The following NEK11 variants were observed in gnomAD, a reference collection of about 807,000 sequenced individuals.
NEK11 encodes NIMA related kinase 11.
NEK11 carries 72 observed loss-of-function variants against 80.7 expected under a neutral mutation model. The ratio of observed to expected loss-of-function variants is 0.89; its 90% CI spans 0.74 to 1.08. NEK11 has a LOEUF of 1.08. NEK11 is among the 50% of genes least tolerant of loss of function. The probability of loss-of-function intolerance (pLI) is 0.00; values close to 1 mark genes in which losing one functional copy is unlikely to be tolerated. For synonymous variants in NEK11, 251 were observed against 260.7 expected (o/e 0.96, Z 0.36); for missense variants, 764 against 763.6 (o/e 1.00, Z -0.01).
intron 10 of NEK11, 61 bp from the exon 11 acceptor site, chr3:131,162,343 ATTTG>A: frequency 6.4e-7 from 1 of 1,569,542 alleles, no homozygotes; most frequent in Non-Finnish European, 8.6e-7. Context: ...TTTATAAAAT[ATTTG>A]TTTAATTTTT....
At chr3:131,134,512 T>G (rs1291555019) in intron 7 of NEK11, among the ~76,000 whole-genome samples, 1 of 152,076 alleles carries the variant, frequency 6.6e-6, no homozygotes, top group Non-Finnish European at 1.5e-5. Context: ...GCGATTCTCC[T>G]GCCTCAGCCT....
intron 4 of NEK11, among the ~76,000 whole-genome samples, chr3:131,093,940 C>T (rs1342622960): frequency 6.7e-6 from 1 of 149,792 alleles, no homozygotes; most frequent in Non-Finnish European, 1.5e-5. Context: ...TTCATAGTGA[C>T]AGAGGAGAAC....
At chr3:131,261,987 G>A (rs1164320109) in intron 16 of NEK11, among the ~76,000 whole-genome samples, 1 of 151,770 alleles carries the variant, frequency 6.6e-6, no homozygotes, top group African/African-American at 2.4e-5. Flanking sequence ...AAACAATAAA[G>A]GATGTCAGTG....
chr3:131,150,159 T>C (rs2089343322), intron 7 of NEK11, among the ~76,000 whole-genome samples: 1 of 152,088 alleles, frequency 6.6e-6, no homozygotes. Flanking sequence ...CACTCTGTTA[T>C]TCATGTCTAG....
chr3:131,325,298 A>ACT (rs1488816000), intron 17 of NEK11: 16 of 127,930 alleles, frequency 1.3e-4, no homozygotes, highest in Admixed American at 9.7e-4. Flanking sequence ...GAAATAACTT[A>ACT]TACCATTTAC....
At chr3:131,049,511 T>A (rs148277723) in intron 3 of NEK11, among the ~76,000 whole-genome samples, 34 of 152,350 alleles carry the variant, frequency 2.2e-4, no homozygotes, top group African/African-American at 7.9e-4. Flanking sequence ...TTTACAAAAT[T>A]ATTTGTCATT....
chr3:131,252,185 T>G (rs1001855549), intron 16 of NEK11, among the ~76,000 whole-genome samples: 11 of 152,128 alleles, frequency 7.2e-5, no homozygotes, highest in African/African-American at 2.4e-4. Flanking sequence ...CTTAAGTATG[T>G]CAGAGTATAA....
At chr3:131,203,363 G>A (rs2094315564) in intron 14 of NEK11, among the ~76,000 whole-genome samples, 1 of 148,460 alleles carries the variant, frequency 6.7e-6, no homozygotes, top group Non-Finnish European at 1.5e-5. Context: ...CTCACTCATA[G>A]ATGGGAATTG....
At chr3:131,081,366 T>C (rs1201416382) in intron 4 of NEK11, among the ~76,000 whole-genome samples, 1 of 152,196 alleles carries the variant, frequency 6.6e-6, no homozygotes, top group Non-Finnish European at 1.5e-5. Context: ...ATTTATCAAT[T>C]TGTGGTTTAC....
rs115889629 is a variant in NEK11, at chr3:131,256,672, G to A, written c.1621+13176G>A. 9.7e-3 allele frequency among the ~76,000 whole-genome samples: 1,471 copies of A among 152,180 alleles called. 17 individuals carry two copies. The highest frequency in any genetic ancestry group is 0.032 in the African/African-American group (1,315 of 41,520). On this transcript the variant is annotated intron_variant, in intron 16 of 17. Coordinates refer to ENST00000383366, the MANE Select transcript of NEK11 (RefSeq NM_024800.5). ...TAGTTGCTGTAGGTCATGAATTTAG[G>A]AGGGCGTAACTGGATGGTTCTGGCT...
intron 15 of NEK11, among the ~76,000 whole-genome samples, chr3:131,242,838 T>G (rs2095539460): frequency 6.6e-6 from 1 of 152,198 alleles, no homozygotes; most frequent in Admixed American, 6.6e-5. Context: ...AAATTTATTT[T>G]GTATTGAAGA....
chr3:131,037,231 T>TTTTGGGTCA (rs201431254), intron 3 of NEK11, among the ~76,000 whole-genome samples: 4 of 19,398 alleles, frequency 2.1e-4, no homozygotes, highest in African/African-American at 7.7e-4. Context: ...TGGAAGCATT[T>TTTTGGGTCA]TTTGTGAGTT....
At chr3:131,307,715 C>T (rs2096736756) in intron 17 of NEK11, among the ~76,000 whole-genome samples, 1 of 152,150 alleles carries the variant, frequency 6.6e-6, no homozygotes, top group South Asian at 2.1e-4. Flanking sequence ...AAATGTGCTG[C>T]CAGTTCTTCA....
chr3:131,202,475 A>G (rs538625206), intron 14 of NEK11, among the ~76,000 whole-genome samples: 1 of 152,340 alleles, frequency 6.6e-6, no homozygotes, highest in Admixed American at 6.5e-5. Flanking sequence ...TCCCACGCCC[A>G]TGGAGCCTTC....
At chr3:131,058,377 T>A (rs2070077959) in intron 3 of NEK11, among the ~76,000 whole-genome samples, 1 of 151,910 alleles carries the variant, frequency 6.6e-6, no homozygotes, top group Non-Finnish European at 1.5e-5. Context: ...TGCGGGCTCT[T>A]TTTTGGTTCC....
intron 5 of NEK11, among the ~76,000 whole-genome samples, chr3:131,125,921 A>T (rs995177598): frequency 6.6e-6 from 1 of 152,240 alleles, no homozygotes. Context: ...AGCAGGCCAC[A>T]TATAGAACTG....
At chr3:131,243,614 CTG>C in intron 16 of NEK11, 118 bp downstream of exon 16, 1 of 816,070 alleles carries the variant, frequency 1.2e-6, no homozygotes, top group Non-Finnish European at 1.9e-6. Flanking sequence ...GATGAAGAAA[CTG>C]AGGCCAATAG....
At chr3:131,200,605 A>G (rs923846252) in intron 14 of NEK11, among the ~76,000 whole-genome samples, 11 of 152,354 alleles carry the variant, frequency 7.2e-5, no homozygotes, top group African/African-American at 2.6e-4. Context: ...TCTTTGTTTT[A>G]TCTGAGTTTC....
intron 14 of NEK11, among the ~76,000 whole-genome samples, chr3:131,209,711 G>T (rs913503487): frequency 1.3e-5 from 2 of 152,122 alleles, no homozygotes; most frequent in Non-Finnish European, 2.9e-5. Context: ...GTTTAGTCTT[G>T]GGAGGGTGTA....
Sources: allele counts gnomAD v4.1 joint callset (sites outside exome capture counted in the v4.1 genomes callset), GRCh38; gene constraint gnomAD v4.1.1; transcripts MANE v1.5; gene names NCBI Gene and HGNC (gene_info 2026-07-23, HGNC 2026-07-21).